CDH8: variants seen among roughly 807,000 people sequenced by gnomAD.
CDH8 encodes the protein cadherin 8, also known as cadherin-8.
In CDH8, 17 loss-of-function variants were observed where a neutral mutation model predicts 68.1. The ratio of observed to expected loss-of-function variants is 0.25; its 90% confidence interval spans 0.17 to 0.37. The LOEUF (loss-of-function observed/expected upper bound fraction) is 0.37. Ranked by LOEUF, CDH8 falls within the 10% of genes least tolerant of loss-of-function variation. The pLI is 1.00. For missense variants in CDH8, 763 were observed against 999.3 expected (o/e 0.76, Z 3.19); for synonymous variants, 372 against 365.1 (o/e 1.02, Z -0.21).
At chr16:61,798,500 T>C (rs1307077644) in intron 7 of CDH8, among the ~76,000 whole-genome samples, 3 of 152,206 alleles carry the variant, frequency 2.0e-5, no homozygotes, top group Non-Finnish European at 4.4e-5. Flanking sequence ...AACTGAGAAA[T>C]TGAAATTTTT....
At chr16:61,657,838 A>G (rs1487599147) in intron 10 of CDH8, among the ~76,000 whole-genome samples, 1 of 152,126 alleles carries the variant, frequency 6.6e-6, no homozygotes, top group African/African-American at 2.4e-5. Flanking sequence ...AAACTGCAGC[A>G]GGAATATTGC....
intron 10 of CDH8, among the ~76,000 whole-genome samples, chr16:61,675,618 T>A (rs1419926805): frequency 6.4e-4 from 53 of 82,394 alleles, no homozygotes; most frequent in African/African-American, 4.3e-3. Flanking sequence ...ATAAAAAAAA[T>A]AAAAAAAATA....
At chr16:61,852,873 C>CCTTCCTTCCTTCCTTCCTTCCATT (rs1962966220) in intron 4 of CDH8, among the ~76,000 whole-genome samples, 1 of 135,054 alleles carries the variant, frequency 7.4e-6, no homozygotes, top group Non-Finnish European at 1.5e-5. Context: ...TTCCTTCCTT[C>CCTTCCTTCCTTCCTTCCTTCCATT]CTTCCTTCCT....
chr16:61,718,964 C>T (rs1355490511), intron 9 of CDH8, among the ~76,000 whole-genome samples: 1 of 151,102 alleles, frequency 6.6e-6, no homozygotes, highest in Non-Finnish European at 1.5e-5. Flanking sequence ...AAAATCTACA[C>T]AATAACCCAA....
intron 2 of CDH8, among the ~76,000 whole-genome samples, chr16:61,936,574 G>A (rs947688162): frequency 2.6e-5 from 4 of 152,140 alleles, no homozygotes; most frequent in South Asian, 2.1e-4. Flanking sequence ...CATGCCACCC[G>A]CCTCCCAAAG....
At chr16:61,749,943 T>C (rs1960116377) in intron 8 of CDH8, among the ~76,000 whole-genome samples, 1 of 152,080 alleles carries the variant, frequency 6.6e-6, no homozygotes, top group African/African-American at 2.4e-5. Flanking sequence ...GAGGGACATG[T>C]GCAGGCTTGT....
At chr16:61,798,187 A>T (rs1961541448) in intron 7 of CDH8, among the ~76,000 whole-genome samples, 1 of 152,242 alleles carries the variant, frequency 6.6e-6, no homozygotes, top group African/African-American at 2.4e-5. Flanking sequence ...TGTAACAAAA[A>T]ATGCAAAAAT....
At chr16:61,768,769 A>G (rs754716711) in intron 8 of CDH8, among the ~76,000 whole-genome samples, 9 of 151,790 alleles carry the variant, frequency 5.9e-5, no homozygotes, top group Non-Finnish European at 1.2e-4. Flanking sequence ...AACGTTTTAC[A>G]GGTAATAAGC....
chr16:61,670,770 T>G (rs1963774972), intron 10 of CDH8, among the ~76,000 whole-genome samples: 1 of 152,028 alleles, frequency 6.6e-6, no homozygotes, highest in Non-Finnish European at 1.5e-5. Flanking sequence ...TACTGTTTTT[T>G]TTTCTTTTAT....
At chr16:61,774,142 C>T (rs1960848870) in intron 8 of CDH8, among the ~76,000 whole-genome samples, 2 of 152,010 alleles carry the variant, frequency 1.3e-5, no homozygotes, top group African/African-American at 4.8e-5. Context: ...TGCACTTGTT[C>T]AATACAGATC....
At chr16:61,821,377 C>T (rs1393515157) in intron 5 of CDH8, among the ~76,000 whole-genome samples, 1 of 151,988 alleles carries the variant, frequency 6.6e-6, no homozygotes, top group Admixed American at 6.6e-5. Context: ...CATATGTTTA[C>T]CAAGTGTATA....
At chr16:61,668,108 T>C (rs2142771841) in intron 10 of CDH8, among the ~76,000 whole-genome samples, 1 of 152,146 alleles carries the variant, frequency 6.6e-6, no homozygotes, top group Admixed American at 6.6e-5. Context: ...TAGTATTTGA[T>C]TAAAAATATA....
intron 4 of CDH8, among the ~76,000 whole-genome samples, chr16:61,852,350 GT>G: frequency 6.6e-6 from 1 of 152,098 alleles, no homozygotes; most frequent in South Asian, 2.1e-4. Context: ...GCTTTCTATT[GT>G]TGCTGTTATT....
At chr16:61,697,198 C>T (rs1308559622) in intron 10 of CDH8, among the ~76,000 whole-genome samples, 1 of 152,036 alleles carries the variant, frequency 6.6e-6, no homozygotes, top group Admixed American at 6.6e-5. Flanking sequence ...GAAAATAAGA[C>T]AAGGGAGCCC....
intron 9 of CDH8, among the ~76,000 whole-genome samples, chr16:61,719,288 G>T (rs1767947101): frequency 6.6e-6 from 1 of 151,004 alleles, no homozygotes; most frequent in Admixed American, 6.6e-5. Flanking sequence ...CAGTCCTCTG[G>T]GTAGAATTTG....
intron 3 of CDH8, among the ~76,000 whole-genome samples, chr16:61,900,655 G>A (rs1257309991): frequency 1.3e-5 from 2 of 152,176 alleles, no homozygotes; most frequent in African/African-American, 2.4e-5. Flanking sequence ...CCTAAAAAAT[G>A]TTGTTAAGAT....
intron 4 of CDH8, among the ~76,000 whole-genome samples, chr16:61,835,736 C>G (rs543495512): frequency 6.6e-6 from 1 of 151,902 alleles, no homozygotes; most frequent in African/African-American, 2.4e-5. Flanking sequence ...AGCCACAATT[C>G]CAATAACTAA....
chr16:61,897,697 G>T (rs1963894107), intron 3 of CDH8, among the ~76,000 whole-genome samples: 1 of 152,114 alleles, frequency 6.6e-6, no homozygotes, highest in South Asian at 2.1e-4. Context: ...GATAAAGTGT[G>T]CTGTATGTTT....
intron 1 of CDH8, among the ~76,000 whole-genome samples, chr16:62,025,363 G>A (rs1180337625): frequency 3.8e-5 from 5 of 130,086 alleles, no homozygotes; most frequent in African/African-American, 1.7e-4. Flanking sequence ...CCTTTCCTCT[G>A]CCAGTTCTTT....
Sources: allele counts gnomAD v4.1 joint callset (sites outside exome capture counted in the v4.1 genomes callset), GRCh38; gene constraint gnomAD v4.1.1; transcripts MANE v1.5; gene names NCBI Gene and HGNC (gene_info 2026-07-23, HGNC 2026-07-21).